ARHGEF2: variants seen among roughly 807,000 people sequenced by gnomAD.
ARHGEF2 encodes rho guanine nucleotide exchange factor 2.
ARHGEF2 carries 22 observed loss-of-function variants against 121.0 expected under a neutral mutation model. The observed-to-expected ratio is 0.18, with a 90% CI of 0.13 to 0.26. The LOEUF (loss-of-function observed/expected upper bound fraction) is 0.26, where lower values mean the gene tolerates loss of function less well. Ranked by LOEUF, ARHGEF2 falls within the 10% of genes least tolerant of loss-of-function variation. ARHGEF2 has a pLI of 1.00. For missense variants in ARHGEF2, 907 were observed against 1,336.0 expected (o/e 0.68, Z 5.01); for synonymous variants, 487 against 530.0 (o/e 0.92, Z 1.11).
rs371252197 is a variant in ARHGEF2 at position 155,963,020 on chromosome 1, C to T, written c.888G>A (p.Gln296=). 4 of 1,614,152 alleles carry T rather than the reference C, an allele frequency of 2.5e-6. No homozygotes were observed. The highest frequency in any genetic ancestry group is 3.4e-6 in the Non-Finnish European group (4 of 1,180,038). ...GGGCCTGGCGTCGGCGTTCTAATAGCTGGCTGAGGAAGCGTGTATGGATGT... is the reference window on the plus strand; with the variant it reads ...GGGCCTGGCGTCGGCGTTCTAATAGTTGGCTGAGGAAGCGTGTATGGATGT... ...LSDIHTRFLS[Q]LLERRRQALC... The change falls in exon 8 of 22, where the codon CAG becomes CAA. Residue 296 remains glutamine, a synonymous_variant. Transcript: ENST00000361247.
chr1:155,950,246 C>T lies in ARHGEF2; in HGVS notation c.2887+53G>A. On this transcript the variant is annotated intron_variant, in intron 21 of 21. Transcript: ENST00000361247. This position sits in a 1 kb window ranked among gnomAD's most constrained non-coding sequence, Gnocchi z 5.2. ...CCATTTGGAAGCCACAGCCCAATGG[C>T]CTGTACCCAGGCTGCACTCTACCTC... The T allele has an allele frequency of 2.5e-6, 4 of 1,596,706 alleles. No individual in the cohort carries two copies. The highest frequency in any genetic ancestry group is 3.4e-6 in the Non-Finnish European group (4 of 1,173,836).
upstream of ARHGEF2, among the ~76,000 whole-genome samples, chr1:155,979,562 G>T (rs765936753): frequency 1.1e-4 from 16 of 152,234 alleles, no homozygotes; most frequent in Non-Finnish European, 2.4e-4. Flanking sequence ...GGAGAAACCA[G>T]AAGCACAGAG....
chr1:155,949,175 C>A (rs1674883150), intron 21 of ARHGEF2, among the ~76,000 whole-genome samples: 1 of 151,886 alleles, frequency 6.6e-6, no homozygotes, highest in Admixed American at 6.6e-5. Context: ...ATCACTTGAA[C>A]TCAGGAGGTG....
chr1:155,967,159 G>A (rs188823197), intron 2 of ARHGEF2, among the ~76,000 whole-genome samples: 182 of 152,232 alleles, frequency 1.2e-3, no homozygotes, highest in Non-Finnish European at 2.2e-3. Flanking sequence ...CCTGAAGGGC[G>A]GACCAGAGGG....
chr1:155,951,748 G>T lies in ARHGEF2; in HGVS notation c.2201C>A (p.Pro734Gln). The change falls in exon 18 of 22, where the codon CCG (proline) becomes CAG (glutamine). Residue 734 changes from proline to glutamine, a missense_variant. By Grantham distance (76) the Pro-to-Gln change is moderately conservative (BLOSUM62 -1). Transcript: ENST00000361247. This position sits in a 1 kb window ranked among gnomAD's most constrained non-coding sequence, Gnocchi z 5.1. ...CATCAATTCCCATCTCACCTCTTGC[G>T]GTGATCTCAGCTGATTTCCATTTCG... The part of the protein sequence containing the change: ...RDRNGNQLRS[P>Q]QEEALQRLVN... 1 of 1,613,930 alleles carries T rather than the reference G, an allele frequency of 6.2e-7. No individual in the cohort carries two copies. Among genetic ancestry groups the T allele is most frequent in the Non-Finnish European group, 8.5e-7 (1 of 1,179,992 alleles).
In ARHGEF2 at chr1:155,952,808, G is replaced by A. The variant is rs925121851; in HGVS notation, c.1804C>T (p.Arg602Trp). The A allele has an allele frequency of 5.6e-6, 9 of 1,614,066 alleles. No individual in the cohort carries two copies. Among genetic ancestry groups the A allele is most frequent in the East Asian group, 2.2e-5 (1 of 44,900 alleles). Reference protein sequence around the residue: ...RIKMELQQKDRALVELLREKV... With the variant: ...RIKMELQQKDWALVELLREKV... ...TCTCGCAGCAGCTCCACCAGTGCCC[G>A]GTCCTTCTGCTGCAACTCCACTGCA... The change falls in exon 15 of 22, where the codon CGG (arginine) becomes TGG (tryptophan). Residue 602 changes from arginine (R) to tryptophan (W), a missense_variant. By Grantham distance (101) the Arg-to-Trp change is moderately radical. Coordinates refer to ENST00000361247, the MANE Select transcript of ARHGEF2 (RefSeq NM_001162383.2).
intron 11 of ARHGEF2, among the ~76,000 whole-genome samples, chr1:155,959,450 G>A (rs1677433871): frequency 1.3e-5 from 2 of 152,072 alleles, no homozygotes; most frequent in Non-Finnish European, 2.9e-5. Context: ...GTTTCACCAC[G>A]TTGGCCAGGC....
At chr1:155,954,838 G>A in intron 14 of ARHGEF2, 64 bp downstream of exon 14, 1 of 1,450,028 alleles carries the variant, frequency 6.9e-7, no homozygotes, top group Non-Finnish European at 9.6e-7. Context: ...TTTAACAGTT[G>A]CATAATATTC....
intron 7 of ARHGEF2, among the ~76,000 whole-genome samples, chr1:155,964,167 AATATATATATATAT>A (rs869033599): frequency 1.8e-4 from 16 of 91,216 alleles, no homozygotes; most frequent in African/African-American, 9.1e-4. Context: ...AAAAAAAAAA[AATATATATATATAT>A]ATATATATAT....
At chr1:155,969,650 T>C in intron 1 of ARHGEF2, 2 of 1,109,778 alleles carry the variant, frequency 1.8e-6, no homozygotes, top group Non-Finnish European at 2.2e-6. Context: ...TGCTGTACTC[T>C]CTTCTCTGTG....
intron 1 of ARHGEF2, among the ~76,000 whole-genome samples, chr1:155,973,244 A>C (rs540671785): frequency 6.6e-6 from 1 of 152,242 alleles, no homozygotes; most frequent in African/African-American, 2.4e-5. Context: ...CCTGGCCCCT[A>C]TTCTGGAAAC....
intron 1 of ARHGEF2, among the ~76,000 whole-genome samples, chr1:155,974,698 ATGGGAG>A (rs1681021024): frequency 6.6e-6 from 1 of 152,140 alleles, no homozygotes; most frequent in African/African-American, 2.4e-5. Flanking sequence ...GACACTGGCA[ATGGGAG>A]TGGGTACGGG....
At chr1:155,978,670 G>A, upstream of ARHGEF2, 1 of 1,069,174 alleles carries the variant, frequency 9.4e-7, no homozygotes, top group Non-Finnish European at 1.2e-6. The surrounding 1 kb of genome is among the most constrained non-coding windows in gnomAD (Gnocchi z 4.1). Context: ...GGACGCCAGG[G>A]TTTGTGTGGG....
At chr1:155,977,958 C>T (rs113368888) in intron 1 of ARHGEF2, 64 of 420,510 alleles carry the variant, frequency 1.5e-4, no homozygotes, top group Admixed American at 9.3e-4. Flanking sequence ...GATGGGGGGT[C>T]GCCACGCCAA....
Position 155,962,389 on chromosome 1 carries a change from T to C in ARHGEF2, c.1102-167A>G. ...CCACAGGTTTGTTGTGAGGACCAAC[T>C]GAAGGAGCAAAAAGTACTTGGGAAA... On this transcript the variant is annotated intron_variant, in intron 9 of 21. Coordinates refer to ENST00000361247, the MANE Select transcript of ARHGEF2 (RefSeq NM_001162383.2). This position sits in a 1 kb window ranked among gnomAD's most constrained non-coding sequence, Gnocchi z 5.8. 9.9e-7 allele frequency: 1 copy of C among 1,011,296 alleles called. No individual in the cohort carries two copies. 62.6% of individuals were successfully genotyped at this position (1,011,296 alleles called of 1,614,324 possible).
chr1:155,957,407 G>A (rs1676908437), intron 13 of ARHGEF2, among the ~76,000 whole-genome samples: 1 of 152,242 alleles, frequency 6.6e-6, no homozygotes, highest in African/African-American at 2.4e-5. Flanking sequence ...ATGAACATGT[G>A]AATGCAGCTG....
chr1:155,966,866 T>C lies in ARHGEF2; in HGVS notation c.230A>G (p.Asn77Ser), dbSNP rs1679491053. 6.2e-7 allele frequency: 1 copy of C among 1,613,692 alleles called. No homozygotes were observed. Among genetic ancestry groups the C allele is most frequent in the Non-Finnish European group, 8.5e-7 (1 of 1,179,876 alleles). The change falls in exon 3 of 22, where the codon AAC becomes AGC. Residue 77 changes from asparagine to serine, a missense_variant. Coordinates refer to ENST00000361247, the MANE Select transcript of ARHGEF2 (RefSeq NM_001162383.2). ...GTTGGCGAGGGTGTCTTTACAGCGG[T>C]TGTGGATAGTCACATTGCAGGCTGG... is the stretch of plus-strand genomic sequence containing the variant. ...ICPTCNVTIH[N>S]RCKDTLANCT...
At chr1:155,960,022 C>T (rs1392336601) in intron 11 of ARHGEF2, among the ~76,000 whole-genome samples, 22 of 152,160 alleles carry the variant, frequency 1.4e-4, no homozygotes, top group Admixed American at 1.4e-3. Flanking sequence ...GACCATCCCT[C>T]ACCCACCCAT....
At position 155,961,114 on chromosome 1, in the gene ARHGEF2, A is replaced by G. The variant is rs1254197697; in HGVS notation, c.1468+547T>C. 6.6e-6 allele frequency among the ~76,000 whole-genome samples: 1 copy of G among 152,098 alleles called. No individual in the cohort carries two copies. The highest frequency in any genetic ancestry group is 1.5e-5 in the Non-Finnish European group (1 of 68,012). The stretch of plus-strand genomic sequence containing the variant: ...TCCTCAGTAAAACTAGTAGCTCTCT[A>G]GGCATGCAAGGACCAAAGAAATTAT... On this transcript the variant is annotated intron_variant, in intron 11 of 21. Coordinates refer to ENST00000361247, the MANE Select transcript of ARHGEF2 (RefSeq NM_001162383.2). The surrounding 1 kb of genome is among the most constrained non-coding windows in gnomAD (Gnocchi z 4.7).
Sources: gnomAD v4.1 joint callset for allele counts (sites outside exome capture counted in the v4.1 genomes callset) on GRCh38, gnomAD v4.1.1 for gene constraint, Gnocchi (gnomAD v3.1) non-coding constraint, MANE v1.5 for transcripts, NCBI Gene and HGNC (gene_info 2026-07-23, HGNC 2026-07-21) for gene names.